TMPRSS15: variants seen among roughly 807,000 people sequenced by gnomAD.
The protein encoded by TMPRSS15 is enteropeptidase.
A neutral mutation model predicts 125.3 loss-of-function variants in TMPRSS15; 128 were observed. The observed-to-expected ratio is 1.02, with a 90% CI of 0.89 to 1.18. The LOEUF (loss-of-function observed/expected upper bound fraction) is 1.18. Ranked by LOEUF, TMPRSS15 falls within the 50% of genes most tolerant of loss-of-function variation. The probability of loss-of-function intolerance (pLI) is 0.00; values close to 1 mark genes in which losing one functional copy is unlikely to be tolerated. For synonymous variants in TMPRSS15, 446 were observed against 423.2 expected (o/e 1.05, Z -0.66); for missense variants, 1,283 against 1,212.7 (o/e 1.06, Z -0.86).
At chr21:18,454,563 G>T (rs1029945812) in intron 1 of TMPRSS15, among the ~76,000 whole-genome samples, 4 of 152,202 alleles carry the variant, frequency 2.6e-5, no homozygotes, top group Non-Finnish European at 5.9e-5. Context: ...GCTCAGAACA[G>T]GAGGAGCCAA....
chr21:18,313,884 C>T, intron 17 of TMPRSS15, among the ~76,000 whole-genome samples: 1 of 130,084 alleles, frequency 7.7e-6, no homozygotes. Context: ...TTAGGAATTC[C>T]CTCCCCACCA....
chr21:18,296,534 G>A (rs1252668939), intron 19 of TMPRSS15, among the ~76,000 whole-genome samples: 2 of 152,260 alleles, frequency 1.3e-5, no homozygotes, highest in Non-Finnish European at 1.5e-5. Context: ...TGACGTCAAT[G>A]GAAAATGATA....
At chr21:18,313,720 T>A (rs2075127209) in intron 17 of TMPRSS15, among the ~76,000 whole-genome samples, 1 of 151,946 alleles carries the variant, frequency 6.6e-6, no homozygotes, top group Admixed American at 6.6e-5. Flanking sequence ...TGCTCTTTTA[T>A]GTAACCATAA....
intron 16 of TMPRSS15, 27 bp downstream of exon 16, chr21:18,326,405 T>G: frequency 6.2e-7 from 1 of 1,614,076 alleles, no homozygotes; most frequent in Non-Finnish European, 8.5e-7. Flanking sequence ...AAAGTTATGA[T>G]GCAATGTGTG....
intron 23 of TMPRSS15, 122 bp downstream of exon 23, chr21:18,278,842 T>C (rs2074652651): frequency 3.2e-6 from 2 of 631,284 alleles, no homozygotes; most frequent in Non-Finnish European, 2.8e-6. Flanking sequence ...TTAGGAGATA[T>C]TGAAAAAACT....
intron 1 of TMPRSS15, among the ~76,000 whole-genome samples, chr21:18,440,372 C>CA (rs539968323): frequency 0.013 from 637 of 47,426 alleles, 54 homozygotes; most frequent in African/African-American, 0.047. Context: ...AACTCCGTCT[C>CA]AAAAAAAAAA....
At chr21:18,296,371 CAT>C (rs1392646387) in intron 19 of TMPRSS15, among the ~76,000 whole-genome samples, 1 of 151,950 alleles carries the variant, frequency 6.6e-6, no homozygotes, top group Admixed American at 6.6e-5. Flanking sequence ...AATAAATGAA[CAT>C]ATGTCTGATT....
intron 13 of TMPRSS15, among the ~76,000 whole-genome samples, chr21:18,338,590 AT>A (rs989068113): frequency 2.0e-5 from 3 of 152,076 alleles, no homozygotes; most frequent in African/African-American, 7.2e-5. Context: ...TTATGTGGGT[AT>A]TTTTTCCTAC....
At chr21:18,311,373 T>G (rs2075099701) in intron 18 of TMPRSS15, among the ~76,000 whole-genome samples, 1 of 151,920 alleles carries the variant, frequency 6.6e-6, no homozygotes, top group South Asian at 2.1e-4. Flanking sequence ...TATAAAGAGC[T>G]CAAACAAATC....
chr21:18,386,660 A>G (rs536431149), intron 3 of TMPRSS15, among the ~76,000 whole-genome samples: 1 of 152,250 alleles, frequency 6.6e-6, no homozygotes, highest in South Asian at 2.1e-4. Context: ...AGATAGTTAA[A>G]TGGACAGGAT....
At position 18,295,772 on chromosome 21, in the gene TMPRSS15, C is replaced by T. The variant is rs549576140; in HGVS notation, c.2262-1120G>A. 1.2e-3 allele frequency among the ~76,000 whole-genome samples: 185 copies of T among 152,218 alleles called. 1 individual carries two copies. Among genetic ancestry groups the T allele is most frequent in the African/African-American group, 4.0e-3 (168 of 41,522 alleles). ...TATATTGACATGTATTTCTAACACC[C>T]CAAGGAAGTCTCAATTAACTCCCCT... On this transcript the variant is annotated intron_variant, in intron 19 of 24. Coordinates refer to ENST00000284885, the MANE Select transcript of TMPRSS15 (RefSeq NM_002772.3).
intron 23 of TMPRSS15, 29 bp downstream of exon 23, chr21:18,278,935 T>G (rs1047302020): frequency 2.2e-6 from 2 of 915,976 alleles, no homozygotes; most frequent in Non-Finnish European, 1.6e-6. Context: ...TTTTTTTTTT[T>G]TTTTTTTTTT....
intron 17 of TMPRSS15, among the ~76,000 whole-genome samples, chr21:18,314,004 G>T (rs574708929): frequency 6.6e-6 from 1 of 152,122 alleles, no homozygotes; most frequent in East Asian, 1.9e-4. Context: ...GGCCATTAGT[G>T]GCCAGGTAGG....
At position 18,281,240 on chromosome 21, in the gene TMPRSS15, A is replaced by T; in HGVS notation, c.2487-19T>A. 1 of 1,609,652 alleles carries T rather than the reference A, an allele frequency of 6.2e-7. No individual in the cohort carries two copies. The highest frequency in any genetic ancestry group is 8.5e-7 in the Non-Finnish European group (1 of 1,176,370). ...GTTTCTCCTGAAAATTGTAATGAAG[A>T]AATATGAGACACTCTCCATCCAAAG... is the stretch of plus-strand genomic sequence containing the variant. On this transcript the variant is annotated intron_variant, in intron 21 of 24. Coordinates refer to ENST00000284885, the MANE Select transcript of TMPRSS15 (RefSeq NM_002772.3).
chr21:18,338,559 C>A (rs1233328890), intron 13 of TMPRSS15, among the ~76,000 whole-genome samples: 1 of 152,076 alleles, frequency 6.6e-6, no homozygotes, highest in African/African-American at 2.4e-5. Flanking sequence ...AAACAATGCC[C>A]CAAATCCAAA....
intron 13 of TMPRSS15, among the ~76,000 whole-genome samples, chr21:18,334,647 T>G (rs1178049859): frequency 6.6e-6 from 1 of 152,188 alleles, no homozygotes; most frequent in Non-Finnish European, 1.5e-5. Context: ...TTACTTCAGT[T>G]TTACATGGAA....
intron 1 of TMPRSS15, among the ~76,000 whole-genome samples, chr21:18,439,613 A>C (rs1358914514): frequency 6.6e-6 from 1 of 152,174 alleles, no homozygotes; most frequent in African/African-American, 2.4e-5. Flanking sequence ...AGGGTTTTGA[A>C]TGTGGGAGTG....
intron 1 of TMPRSS15, among the ~76,000 whole-genome samples, chr21:18,415,175 CAG>C (rs2076176769): frequency 6.6e-6 from 1 of 152,118 alleles, no homozygotes; most frequent in Non-Finnish European, 1.5e-5. Context: ...AAATGTCTAT[CAG>C]GGTGCATGCC....
At chr21:18,372,138 G>C (rs2075797768) in intron 6 of TMPRSS15, 55 bp downstream of exon 6, 6 of 1,470,804 alleles carry the variant, frequency 4.1e-6, no homozygotes, top group African/African-American at 1.4e-5. Flanking sequence ...GTGTGTGTGT[G>C]TCTACAGTGA....
Sources: gnomAD v4.1 joint callset for allele counts (sites outside exome capture counted in the v4.1 genomes callset) on GRCh38, gnomAD v4.1.1 for gene constraint, MANE v1.5 for transcripts, NCBI Gene and HGNC (gene_info 2026-07-23, HGNC 2026-07-21) for gene names.